Variants in OR52K1 observed in about 807,000 individuals in gnomAD.
The protein encoded by OR52K1 is olfactory receptor 52K1.
OR52K1 carries 10 observed loss-of-function variants against 8.7 expected under a neutral mutation model. That is an observed-to-expected ratio of 1.15 (90% CI 0.71 to 1.95). The LOEUF is 1.95. Among genes scored for constraint, OR52K1 ranks in the 30% most tolerant of loss-of-function variants. OR52K1 has a pLI of 0.00. For synonymous variants in OR52K1, 203 were observed against 148.5 expected (o/e 1.37, Z -2.67); for missense variants, 431 against 397.2 (o/e 1.08, Z -0.72).
chr11:4,492,461 T>C lies in OR52K1; in HGVS notation c.*2616T>C, dbSNP rs1207203258. The C allele has an allele frequency of 6.6e-6, 1 of 152,140 alleles. No homozygotes were observed. Among genetic ancestry groups the C allele is most frequent in the Admixed American group, 6.5e-5 (1 of 15,272 alleles). 9.4% of individuals were successfully genotyped at this position (152,140 alleles called of 1,614,324 possible). On this transcript the variant is annotated 3_prime_UTR_variant, in exon 2 of 2. Transcript: ENST00000641528. ...GTTCATATAACATGAACAAGGATGA[T>C]TTTGTTGTTTTTGTAGTGAACCACT...
chr11:4,488,673 A>T lies in OR52K1; in HGVS notation c.-228A>T, dbSNP rs1446242426. 1 of 532,736 alleles carries T rather than the reference A, an allele frequency of 1.9e-6. No homozygotes were observed. Among genetic ancestry groups the T allele is most frequent in the Non-Finnish European group, 3.3e-6 (1 of 302,304 alleles). The allele number at this position is 532,736 out of a possible 1,614,324, so 33.0% of individuals were successfully genotyped here. A position where few individuals can be genotyped will look rare whatever the true frequency, so the allele number is the denominator to read the frequency against. ...TAAATATCCATAGAATTGATATCCC[A>T]TCTACTCAATGAGATTCAAATTTCT... On this transcript the variant is annotated 5_prime_UTR_variant, in exon 2 of 2. Coordinates refer to ENST00000641528, the MANE Select transcript of OR52K1 (RefSeq NM_001005171.3).
At chr11:4,483,742 G>A (rs967348492) in intron 1 of OR52K1, among the ~76,000 whole-genome samples, 1 of 152,106 alleles carries the variant, frequency 6.6e-6, no homozygotes, top group African/African-American at 2.4e-5. Context: ...GGGTTTTGTG[G>A]AAAATACATA....
intron 1 of OR52K1, among the ~76,000 whole-genome samples, chr11:4,485,340 G>C (rs1465408234): frequency 6.6e-6 from 1 of 152,160 alleles, no homozygotes; most frequent in Non-Finnish European, 1.5e-5. Flanking sequence ...ATCTCAAACA[G>C]TTTTGTGGCT....
In OR52K1 at chr11:4,482,953, A is replaced by G; in HGVS notation, c.-552A>G. 2.5e-6 allele frequency: 1 copy of G among 392,204 alleles called. No homozygotes were observed. The highest frequency in any genetic ancestry group is 4.5e-6 in the Non-Finnish European group (1 of 222,446). The allele number at this position is 392,204 out of a possible 1,614,324, so 24.3% of individuals were successfully genotyped here. ...CCCAACTGTTTGGTACACAAACTCCAGATGCTCTCCCCACCACAGAGGATG... is the reference window on the plus strand; with the variant it reads ...CCCAACTGTTTGGTACACAAACTCCGGATGCTCTCCCCACCACAGAGGATG... On this transcript the variant is annotated 5_prime_UTR_variant, in exon 1 of 2. Transcript: ENST00000641528.
rs1846370364 is a variant in OR52K1, at chr11:4,491,057, C to T, written c.*1212C>T. On this transcript the variant is annotated 3_prime_UTR_variant, in exon 2 of 2. Transcript: ENST00000641528. The stretch of plus-strand genomic sequence containing the variant: ...TAAAATCACCTGAGGACACATTTCT[C>T]AGAATGTATCCCCATCATTAAGCAA... 6.6e-6 allele frequency: 1 copy of T among 152,198 alleles called. No homozygotes were observed. Among genetic ancestry groups the T allele is most frequent in the Admixed American group, 6.5e-5 (1 of 15,278 alleles). 9.4% of individuals were successfully genotyped at this position (152,198 alleles called of 1,614,324 possible).
chr11:4,486,609 A>C (rs1005757106), intron 1 of OR52K1, among the ~76,000 whole-genome samples: 10 of 152,228 alleles, frequency 6.6e-5, no homozygotes, highest in Non-Finnish European at 1.3e-4. Flanking sequence ...AATGCCTATC[A>C]TAACTGCCCT....
chr11:4,486,916 T>G (rs1564831807), intron 1 of OR52K1, among the ~76,000 whole-genome samples: 2 of 152,204 alleles, frequency 1.3e-5, no homozygotes, highest in Admixed American at 1.3e-4. Flanking sequence ...TGAGACACTC[T>G]GGAGCTGGGA....
Position 4,489,200 on chromosome 11 carries a change from G to C in OR52K1, c.300G>C (p.Leu100=), listed in dbSNP as rs147596013. The C allele has an allele frequency of 8.1e-4, 1,304 of 1,614,196 alleles. 7 individuals carry two copies. The highest frequency in any genetic ancestry group is 3.1e-4 in the Non-Finnish European group (364 of 1,180,036). Residue 100 remains leucine (L), a synonymous_variant, in exon 2 of 2, where the codon CTG becomes CTC. Transcript: ENST00000641528. ...RDQEINFFAC[L]VQMFFLHSFS... is the part of the protein sequence containing the mutation. ...AGGAGATCAACTTCTTTGCCTGTCT[G>C]GTCCAGATGTTCTTCCTTCACTCCT... is the stretch of plus-strand genomic sequence containing the variant.
intron 1 of OR52K1, among the ~76,000 whole-genome samples, chr11:4,484,665 A>T (rs1422471151): frequency 6.6e-6 from 1 of 151,712 alleles, no homozygotes; most frequent in South Asian, 2.1e-4. Flanking sequence ...TTGTTTCAGG[A>T]TATGTTTATA....
Position 4,489,462 on chromosome 11 carries a change from A to G in OR52K1, c.562A>G (p.Arg188Gly), listed in dbSNP as rs1359434307. The G allele has an allele frequency of 6.2e-7, 1 of 1,614,074 alleles. No homozygotes were observed. Among genetic ancestry groups the G allele is most frequent in the Non-Finnish European group, 8.5e-7 (1 of 1,180,034 alleles). Residue 188 changes from arginine (R) to glycine (G), a missense_variant, in exon 2 of 2, where the codon AGG (arginine) becomes GGG (glycine). Arg to Gly is a moderately radical substitution (Grantham distance 125). Transcript: ENST00000641528. ...HCYCEHMAVVRLACGDTSFNN... is the reference protein window; with the variant it reads ...HCYCEHMAVVGLACGDTSFNN... ...CTACTGTGAACACATGGCTGTGGTA[A>G]GGCTGGCGTGTGGGGACACTAGCTT...
In OR52K1 at chr11:4,489,697, T is replaced by C; in HGVS notation, c.797T>C (p.Val266Ala). The C allele has an allele frequency of 6.2e-7, 1 of 1,614,238 alleles. No homozygotes were observed. Among genetic ancestry groups the C allele is most frequent in the Non-Finnish European group, 8.5e-7 (1 of 1,180,040 alleles). Residue 266 changes from valine (V) to alanine (A), a missense_variant, in exon 2 of 2, where the codon GTA (valine) becomes GCA (alanine). Coordinates refer to ENST00000641528, the MANE Select transcript of OR52K1 (RefSeq NM_001005171.3). The stretch of plus-strand genomic sequence containing the variant: ...GTCATCTCTTCAGTCATGCACCGTG[T>C]AGCCCGCCATGCTGCCCCTCGTGTC... ...PVVISSVMHR[V>A]ARHAAPRVHI... is the part of the protein sequence containing the mutation.
At position 4,489,782 on chromosome 11, in the gene OR52K1, T is replaced by C. The variant is rs762279613; in HGVS notation, c.882T>C (p.Tyr294=). 23 of 1,613,950 alleles carry C rather than the reference T, an allele frequency of 1.4e-5. No individual in the cohort carries two copies. The South Asian group carries it at 2.2e-4, about 15-fold the overall frequency. Residue 294 remains tyrosine, a synonymous_variant, in exon 2 of 2, where the codon TAT becomes TAC. Coordinates refer to ENST00000641528, the MANE Select transcript of OR52K1 (RefSeq NM_001005171.3). ...CACCCATGGTCAATCCTATCATATA[T>C]GGAGTCAAGACCAAGCAGATTCGTG... is the stretch of plus-strand genomic sequence containing the variant. The part of the protein sequence containing the change: ...LFPPMVNPII[Y]GVKTKQIREY...
At chr11:4,483,895 C>G (rs1358805821) in intron 1 of OR52K1, among the ~76,000 whole-genome samples, 1 of 152,114 alleles carries the variant, frequency 6.6e-6, no homozygotes, top group East Asian at 1.9e-4. Context: ...TTGTTCCTGA[C>G]AAAAATGCAC....
At chr11:4,488,074 G>A (rs1332607607) in intron 1 of OR52K1, among the ~76,000 whole-genome samples, 1 of 152,114 alleles carries the variant, frequency 6.6e-6, no homozygotes, top group Non-Finnish European at 1.5e-5. Context: ...ACATGCACAG[G>A]GAGTTTAACA....
At position 4,489,365 on chromosome 11, in the gene OR52K1, G is replaced by A. The variant is rs773207768; in HGVS notation, c.465G>A (p.Val155=). Residue 155 remains valine (V), a synonymous_variant, in exon 2 of 2, where the codon GTG becomes GTA. Transcript: ENST00000641528. Reference sequence around the variant, plus strand: ...GCATGGCTGCTGTGGCCCGGGCTGTGACACTAATGACTCCACTCCCCTTCC... The same window carrying A: ...GCATGGCTGCTGTGGCCCGGGCTGTAACACTAATGACTCCACTCCCCTTCC... The part of the protein sequence containing the change: ...KIGMAAVARA[V]TLMTPLPFLL... 3.1e-6 allele frequency: 5 copies of A among 1,614,196 alleles called. No homozygotes were observed. In the South Asian group the frequency reaches 5.5e-5, roughly 18 times the overall value.
At chr11:4,485,175 T>TCCCCAAA (rs879781776) in intron 1 of OR52K1, among the ~76,000 whole-genome samples, 2,859 of 152,300 alleles carry the variant, frequency 0.019, 3 homozygotes, top group African/African-American at 0.065. Flanking sequence ...AGATAGTACA[T>TCCCCAAA]TATTTGGGGA....
rs747851264 is a variant in OR52K1, at chr11:4,491,065, A to G, written c.*1220A>G. Reference sequence around the variant, plus strand: ...CCTGAGGACACATTTCTCAGAATGTATCCCCATCATTAAGCAATGCATGAC... The same window carrying G: ...CCTGAGGACACATTTCTCAGAATGTGTCCCCATCATTAAGCAATGCATGAC... On this transcript the variant is annotated 3_prime_UTR_variant, in exon 2 of 2. Transcript: ENST00000641528. 9.2e-5 allele frequency: 14 copies of G among 152,228 alleles called. No individual in the cohort carries two copies. The highest frequency in any genetic ancestry group is 1.9e-4 in the Non-Finnish European group (13 of 68,040). 9.4% of individuals were successfully genotyped at this position (152,228 alleles called of 1,614,324 possible). A position where few individuals can be genotyped will look rare whatever the true frequency, so the allele number is the denominator to read the frequency against.
In OR52K1 at chr11:4,482,877, T is replaced by G. The variant is rs994695360; in HGVS notation, c.-628T>G. 12 of 351,180 alleles carry G rather than the reference T, an allele frequency of 3.4e-5. No individual in the cohort carries two copies. The highest frequency in any genetic ancestry group is 5.6e-5 in the Non-Finnish European group (11 of 196,530). The allele number at this position is 351,180 out of a possible 1,614,324, so 21.8% of individuals were successfully genotyped here. A position where few individuals can be genotyped will look rare whatever the true frequency, so the allele number is the denominator to read the frequency against. On this transcript the variant is annotated 5_prime_UTR_variant, in exon 1 of 2. It adds an upstream start codon to the 5' untranslated region. Coordinates refer to ENST00000641528, the MANE Select transcript of OR52K1 (RefSeq NM_001005171.3). ...GGCATCAGCTCTCCAACCCTGTTAT[T>G]GCTTCTACTCTGGTCCTTCAATAGA...
chr11:4,487,170 GT>G (rs1462507768), intron 1 of OR52K1, among the ~76,000 whole-genome samples: 1 of 152,190 alleles, frequency 6.6e-6, no homozygotes, highest in African/African-American at 2.4e-5. Context: ...CTTTCTACAT[GT>G]TTCACTGTAA....
Sources: allele counts gnomAD v4.1 joint callset (sites outside exome capture counted in the v4.1 genomes callset), GRCh38; gene constraint gnomAD v4.1.1; transcripts MANE v1.5; gene names NCBI Gene and HGNC (gene_info 2026-07-23, HGNC 2026-07-21).